Variants in BMP7 observed in about 807,000 individuals in gnomAD.
The protein encoded by BMP7 is osteogenic protein 1.
BMP7 carries 12 observed loss-of-function variants against 41.2 expected under a neutral mutation model. The ratio of observed to expected loss-of-function variants is 0.29; its 90% confidence interval spans 0.19 to 0.47. BMP7 has a LOEUF of 0.47. Among genes scored for constraint, BMP7 ranks in the 20% least tolerant of loss-of-function variants. The pLI is 0.99. For missense variants in BMP7, 467 were observed against 606.0 expected (o/e 0.77, Z 2.41); for synonymous variants, 248 against 250.0 (o/e 0.99, Z 0.07).
At chr20:57,212,610 A>C (rs916009491) in intron 2 of BMP7, among the ~76,000 whole-genome samples, 1 of 152,264 alleles carries the variant, frequency 6.6e-6, no homozygotes, top group African/African-American at 2.4e-5. Flanking sequence ...AAGGAGCAAG[A>C]GAGCGAGCCA....
chr20:57,236,021 C>G (rs116438943), intron 1 of BMP7, among the ~76,000 whole-genome samples: 156 of 152,178 alleles, frequency 1.0e-3, no homozygotes, highest in African/African-American at 3.5e-3. Context: ...GTACATGCAC[C>G]CTCCTCCTCC....
chr20:57,173,064 G>A (rs569919596), intron 6 of BMP7, 136 bp downstream of exon 6: 57 of 901,578 alleles, frequency 6.3e-5, no homozygotes, highest in African/African-American at 5.1e-4. Flanking sequence ...TTTTAACGGC[G>A]CAAGGGGCCC....
intron 4 of BMP7, among the ~76,000 whole-genome samples, chr20:57,182,172 C>T (rs1033593216): frequency 1.3e-5 from 2 of 152,216 alleles, no homozygotes; most frequent in Non-Finnish European, 2.9e-5. Context: ...TGGTTTTAGT[C>T]TGGGAGGAGT....
At chr20:57,190,577 G>T (rs1984332052) in intron 3 of BMP7, among the ~76,000 whole-genome samples, 1 of 152,150 alleles carries the variant, frequency 6.6e-6, no homozygotes, top group South Asian at 2.1e-4. Context: ...TGGGCAGGGG[G>T]CGACGTGGCC....
intron 2 of BMP7, among the ~76,000 whole-genome samples, chr20:57,227,783 G>A (rs1307504965): frequency 6.6e-6 from 1 of 152,176 alleles, no homozygotes; most frequent in Non-Finnish European, 1.5e-5. Flanking sequence ...ATTCTTGGAA[G>A]GCTAAGAGTT....
rs1229287235 is a variant in BMP7 at position 57,228,232 on chromosome 20, C to T, written c.608G>A (p.Gly203Asp). The change falls in exon 2 of 7, where the codon GGC (glycine) becomes GAC (aspartate). Residue 203 changes from glycine (G) to aspartate (D), a missense_variant. Physicochemically the swap from Gly to Asp is moderately conservative, Grantham distance 94. Around this residue, in one of 2 missense-constraint regions of BMP7, gnomAD observed 407 missense variants for 485.9 expected, o/e 0.84. Coordinates refer to ENST00000395863, the MANE Select transcript of BMP7 (RefSeq NM_001719.3). The surrounding 1 kb of genome is among the most constrained non-coding windows in gnomAD (Gnocchi z 4.5). ...SVYQVLQEHL[G>D]RESDLFLLDS... The stretch of plus-strand genomic sequence containing the variant: ...CAGATACCCGTATAGCACCCACCTG[C>T]CCAAGTGCTCCTGGAGCACCTGATA... The T allele has an allele frequency of 6.2e-7, 1 of 1,613,296 alleles. No homozygotes were observed. Among genetic ancestry groups the T allele is most frequent in the Admixed American group, 1.7e-5 (1 of 60,004 alleles).
chr20:57,206,261 GTT>G (rs1984728246), intron 2 of BMP7, among the ~76,000 whole-genome samples: 1 of 152,108 alleles, frequency 6.6e-6, no homozygotes, highest in Non-Finnish European at 1.5e-5. Context: ...ACCTAAATGC[GTT>G]CTTTCACCTT....
At chr20:57,251,324 G>T (rs1185286239) in intron 1 of BMP7, among the ~76,000 whole-genome samples, 1 of 152,148 alleles carries the variant, frequency 6.6e-6, no homozygotes, top group Non-Finnish European at 1.5e-5. Context: ...GAGCGGTGGG[G>T]GCTCTGCAGT....
chr20:57,180,461 C>A (rs1406323831), intron 4 of BMP7, among the ~76,000 whole-genome samples: 1 of 152,162 alleles, frequency 6.6e-6, no homozygotes, highest in Non-Finnish European at 1.5e-5. Flanking sequence ...GCTCGCTCGC[C>A]ACGAAATGTT....
At chr20:57,236,844 G>A (rs1001791573) in intron 1 of BMP7, among the ~76,000 whole-genome samples, 6 of 151,952 alleles carry the variant, frequency 3.9e-5, no homozygotes, top group East Asian at 1.9e-4. Flanking sequence ...AAGGGGAACC[G>A]TCAGCCCAGG....
At position 57,237,813 on chromosome 20, in the gene BMP7, CA is replaced by C. The variant is rs764227377; in HGVS notation, c.419-9393del. 4.5e-3 allele frequency among the ~76,000 whole-genome samples: 686 copies of C among 152,320 alleles called. 1 individual carries two copies. Among genetic ancestry groups the C allele is most frequent in the Admixed American group, 0.01 (157 of 15,302 alleles). Reference sequence around the variant, plus strand: ...TTCAACAAGGACTTTCTGGCTGCCCCAGCATGGACGTGAGAGCCGTCAGTTG... The same window carrying C: ...TTCAACAAGGACTTTCTGGCTGCCCCGCATGGACGTGAGAGCCGTCAGTTG... On this transcript the variant is annotated intron_variant, in intron 1 of 6. Transcript: ENST00000395863.
At position 57,228,571 on chromosome 20, in the gene BMP7, A is replaced by C; in HGVS notation, c.419-150T>G. ...AGTGACAACTGCTCCTTCCTCACCA[A>C]CACACTGTAGACTGGAGGGTCACAG... is the stretch of plus-strand genomic sequence containing the variant. On this transcript the variant is annotated intron_variant, in intron 1 of 6. Coordinates refer to ENST00000395863, the MANE Select transcript of BMP7 (RefSeq NM_001719.3). This position sits in a 1 kb window ranked among gnomAD's most constrained non-coding sequence, Gnocchi z 4.5. 1.1e-6 allele frequency: 1 copy of C among 915,862 alleles called. No individual in the cohort carries two copies. The highest frequency in any genetic ancestry group is 1.8e-6 in the Non-Finnish European group (1 of 570,080). The allele number at this position is 915,862 out of a possible 1,614,324, so 56.7% of individuals were successfully genotyped here. A position where few individuals can be genotyped will look rare whatever the true frequency, so the allele number is the denominator to read the frequency against.
At chr20:57,176,737 G>A (rs879348508) in intron 4 of BMP7, among the ~76,000 whole-genome samples, 5 of 115,756 alleles carry the variant, frequency 4.3e-5, no homozygotes, top group Admixed American at 1.0e-4. Context: ...TTGAAACTAC[G>A]CACATTCTCC....
At chr20:57,208,912 G>A (rs1199024864) in intron 2 of BMP7, among the ~76,000 whole-genome samples, 1 of 152,126 alleles carries the variant, frequency 6.6e-6, no homozygotes, top group Non-Finnish European at 1.5e-5. Context: ...GGCCAGGTGT[G>A]GTGGCTCACA....
At chr20:57,263,651 C>T (rs1042055660) in intron 1 of BMP7, among the ~76,000 whole-genome samples, 1 of 152,184 alleles carries the variant, frequency 6.6e-6, no homozygotes, top group African/African-American at 2.4e-5. Flanking sequence ...GTCCGGGGTA[C>T]CCAACAGAAG....
At chr20:57,223,653 G>T (rs974386223) in intron 2 of BMP7, among the ~76,000 whole-genome samples, 4 of 152,196 alleles carry the variant, frequency 2.6e-5, no homozygotes, top group Admixed American at 2.0e-4. Context: ...AAATGGGGAT[G>T]ATACATCTTC....
intron 3 of BMP7, among the ~76,000 whole-genome samples, chr20:57,186,213 A>G (rs1207928170): frequency 6.6e-6 from 1 of 152,202 alleles, no homozygotes; most frequent in Non-Finnish European, 1.5e-5. Flanking sequence ...TGTTCCACTG[A>G]GAGGTCAGGG....
chr20:57,172,669 C>A (rs1171373438), intron 6 of BMP7, among the ~76,000 whole-genome samples: 4 of 152,236 alleles, frequency 2.6e-5, no homozygotes, highest in Non-Finnish European at 5.9e-5. Context: ...GCAGGAATAA[C>A]ACCTACTGAG....
intron 3 of BMP7, among the ~76,000 whole-genome samples, chr20:57,194,467 A>T (rs1037124506): frequency 6.6e-6 from 1 of 151,992 alleles, no homozygotes; most frequent in Non-Finnish European, 1.5e-5. Context: ...TAAAATATGT[A>T]CTCTCTGGTA....
Sources: gnomAD v4.1 joint callset for allele counts (sites outside exome capture counted in the v4.1 genomes callset) on GRCh38, gnomAD v4.1.1 for gene constraint, gnomAD v4.1.1 regional missense constraint, Gnocchi (gnomAD v3.1) non-coding constraint, MANE v1.5 for transcripts, NCBI Gene and HGNC (gene_info 2026-07-23, HGNC 2026-07-21) for gene names.